The following SYNE1 variants were observed in gnomAD, a reference collection of about 807,000 sequenced individuals.
The protein encoded by SYNE1 is spectrin repeat containing nuclear envelope protein 1.
Under a neutral mutation model 1,111.0 loss-of-function variants are expected in SYNE1, and 616 were observed. The ratio of observed to expected loss-of-function variants is 0.55; its 90% CI spans 0.52 to 0.59. The LOEUF is 0.59. Among genes scored for constraint, SYNE1 ranks in the 20% least tolerant of loss-of-function variants. The pLI, the probability that SYNE1 is intolerant of heterozygous loss-of-function variation, is 0.00. For synonymous variants in SYNE1, 3,855 were observed against 3,825.8 expected, an observed-to-expected ratio of 1.01 and a Z score of -0.28; for missense variants, 10,006 against 10,417.0, an observed-to-expected ratio of 0.96 and a Z score of 1.72.
At chr6:152,220,687 T>C (rs2079973339) in intron 119 of SYNE1, among the ~76,000 whole-genome samples, 155 bp downstream of exon 119, 1 of 152,232 alleles carries the variant, frequency 6.6e-6, no homozygotes, top group Non-Finnish European at 1.5e-5. Flanking sequence ...TGCACCTGTG[T>C]TCTGAAAATC....
At chr6:152,581,594 C>T (rs921261399) in intron 3 of SYNE1, among the ~76,000 whole-genome samples, 1 of 152,156 alleles carries the variant, frequency 6.6e-6, no homozygotes, top group Non-Finnish European at 1.5e-5. Context: ...ACGTCTCATC[C>T]GTCACCTTTG....
chr6:152,426,518 C>A (rs2098358156), intron 38 of SYNE1, among the ~76,000 whole-genome samples: 2 of 152,358 alleles, frequency 1.3e-5, no homozygotes, highest in South Asian at 4.1e-4. Context: ...AGTCTGCAGT[C>A]CTCTCAGTCA....
intron 34 of SYNE1, among the ~76,000 whole-genome samples, chr6:152,433,080 T>G (rs1166684542): frequency 6.6e-6 from 1 of 151,952 alleles, no homozygotes; most frequent in Non-Finnish European, 1.5e-5. Context: ...GCAGAGGGTT[T>G]TCCCATTCCA....
intron 3 of SYNE1, among the ~76,000 whole-genome samples, chr6:152,563,401 G>A (rs748876382): frequency 1.3e-5 from 2 of 152,032 alleles, no homozygotes; most frequent in African/African-American, 2.4e-5. Flanking sequence ...CAAAGACAGT[G>A]CTCATATCGA....
At chr6:152,595,581 G>A (rs550499454) in intron 3 of SYNE1, among the ~76,000 whole-genome samples, 17 of 152,054 alleles carry the variant, frequency 1.1e-4, no homozygotes, top group Non-Finnish European at 2.1e-4. Flanking sequence ...TTTTTTAATC[G>A]TAATACTTAA....
intron 29 of SYNE1, among the ~76,000 whole-genome samples, chr6:152,446,935 C>T (rs552601823): frequency 2.8e-4 from 43 of 152,288 alleles, no homozygotes; most frequent in African/African-American, 1.0e-3. Flanking sequence ...TGAGCATTTA[C>T]TCTGTTTCAG....
chr6:152,415,463 G>C (rs960878612), intron 41 of SYNE1, among the ~76,000 whole-genome samples: 9 of 152,084 alleles, frequency 5.9e-5, no homozygotes, highest in Admixed American at 5.2e-4. Flanking sequence ...CAAGAGAACT[G>C]TTTCACACCA....
chr6:152,315,583 G>C (rs1028469133), intron 87 of SYNE1: 2 of 152,174 alleles, frequency 1.3e-5, no homozygotes, highest in Non-Finnish European at 2.9e-5. Flanking sequence ...AGCAATGTTT[G>C]AGAGCTCTCA....
intron 121 of SYNE1, among the ~76,000 whole-genome samples, chr6:152,217,395 C>CAA (rs926437470): frequency 7.3e-5 from 3 of 41,224 alleles, no homozygotes; most frequent in African/African-American, 1.1e-4. Flanking sequence ...GACTCCGTCA[C>CAA]AAAAAAAAAA....
intron 3 of SYNE1, among the ~76,000 whole-genome samples, chr6:152,581,715 A>G (rs922123592): frequency 6.6e-6 from 1 of 152,080 alleles, no homozygotes; most frequent in Non-Finnish European, 1.5e-5. Context: ...CCAGCCCAAG[A>G]ATGCCTTGGG....
chr6:152,294,698 T>C (rs1017236697), intron 93 of SYNE1, among the ~76,000 whole-genome samples: 7 of 152,152 alleles, frequency 4.6e-5, no homozygotes, highest in African/African-American at 1.7e-4. Context: ...ATAAAGGTTT[T>C]CTATGCATTT....
chr6:152,417,402 G>A (rs1243923448), intron 40 of SYNE1, among the ~76,000 whole-genome samples: 8 of 152,150 alleles, frequency 5.3e-5, no homozygotes, highest in Non-Finnish European at 1.0e-4. Flanking sequence ...GGAGGCTGAG[G>A]CAGGAGAATG....
At position 152,344,005 on chromosome 6, in the gene SYNE1, C is replaced by G. The variant is rs1038211011; in HGVS notation, c.12225+76G>C. 9 of 1,597,156 alleles carry G rather than the reference C, an allele frequency of 5.6e-6. No individual in the cohort carries two copies. The African/African-American group carries it at 1.1e-4, about 19-fold the overall frequency. The stretch of plus-strand genomic sequence containing the variant: ...CAGGAGTCAATACAGTTTGGCACAT[C>G]ATAGGTACTTCACACATTTTCACTG... On this transcript the variant is annotated intron_variant, in intron 74 of 145. Transcript: ENST00000367255.
intron 98 of SYNE1, among the ~76,000 whole-genome samples, chr6:152,273,131 T>G (rs2093334606): frequency 6.6e-6 from 1 of 152,214 alleles, no homozygotes; most frequent in Admixed American, 6.5e-5. Flanking sequence ...TACCACATTT[T>G]TCTGTATTTA....
chr6:152,464,045 T>C (rs1019066809), intron 18 of SYNE1, among the ~76,000 whole-genome samples: 6 of 152,218 alleles, frequency 3.9e-5, no homozygotes, highest in African/African-American at 1.4e-4. Context: ...CCTGCTACTT[T>C]TGATTTTTAA....
rs766918402 is a variant in SYNE1 at position 152,280,029 on chromosome 6, C to G, written c.18382-1749G>C. On this transcript the variant is annotated intron_variant, in intron 97 of 145. Coordinates refer to ENST00000367255, the MANE Select transcript of SYNE1 (RefSeq NM_182961.4). Reference sequence around the variant, plus strand: ...ATTCCGAATCATGTAAGTCTTTGTACCACAGCAATTGTAAAACTGAAAACA... The same window carrying G: ...ATTCCGAATCATGTAAGTCTTTGTAGCACAGCAATTGTAAAACTGAAAACA... Among the ~76,000 whole-genome samples, 55 of 152,042 alleles carry G rather than the reference C, an allele frequency of 3.6e-4. 1 individual carries two copies. Among genetic ancestry groups the G allele is most frequent in the Non-Finnish European group, 7.4e-4 (50 of 68,018 alleles).
intron 14 of SYNE1, chr6:152,480,796 T>C (rs1349219788): frequency 1.1e-5 from 5 of 456,082 alleles, no homozygotes; most frequent in Non-Finnish European, 1.8e-5. Flanking sequence ...AGTCTAGTCC[T>C]TTCTGGGTTT....
intron 74 of SYNE1, among the ~76,000 whole-genome samples, chr6:152,341,554 C>T (rs1171430444): frequency 2.6e-5 from 4 of 152,166 alleles, no homozygotes; most frequent in South Asian, 2.1e-4. Flanking sequence ...CTTGTGGCAG[C>T]GGGGAGTGTA....
intron 53 of SYNE1, among the ~76,000 whole-genome samples, chr6:152,389,282 C>T (rs1385259391): frequency 6.6e-6 from 1 of 151,958 alleles, no homozygotes; most frequent in Non-Finnish European, 1.5e-5. Context: ...GGTTTGCTGC[C>T]CAGATTTATT....
Sources: allele counts gnomAD v4.1 joint callset (sites outside exome capture counted in the v4.1 genomes callset), GRCh38; gene constraint gnomAD v4.1.1; transcripts MANE v1.5; gene names NCBI Gene and HGNC (gene_info 2026-07-23, HGNC 2026-07-21).